CDH2: variants seen among roughly 807,000 people sequenced by gnomAD.
The protein encoded by CDH2 is cadherin 2.
CDH2 carries 17 observed loss-of-function variants against 92.0 expected under a neutral mutation model. The observed-to-expected ratio is 0.18, with a 90% CI of 0.13 to 0.28. The LOEUF is 0.28. CDH2 is among the 10% of genes least tolerant of loss of function. The pLI, the probability that CDH2 is intolerant of heterozygous loss-of-function variation, is 1.00. For missense variants in CDH2, 862 were observed against 1,133.1 expected, an observed-to-expected ratio of 0.76 and a Z score of 3.44; for synonymous variants, 419 against 415.9, an observed-to-expected ratio of 1.01 and a Z score of -0.09.
chr18:28,107,128 G>A (rs181166899), intron 2 of CDH2, among the ~76,000 whole-genome samples: 8 of 151,928 alleles, frequency 5.3e-5, no homozygotes, highest in Admixed American at 4.6e-4. Flanking sequence ...GGAAATTCTC[G>A]CACCATTTCA....
intron 14 of CDH2, among the ~76,000 whole-genome samples, chr18:27,969,158 C>T (rs191880532): frequency 2.6e-5 from 4 of 152,098 alleles, no homozygotes; most frequent in Admixed American, 2.0e-4. Flanking sequence ...TTATCACAGC[C>T]CCCCCACCAA....
intron 1 of CDH2, among the ~76,000 whole-genome samples, chr18:28,164,448 A>C (rs988925964): frequency 6.6e-6 from 1 of 152,200 alleles, no homozygotes; most frequent in African/African-American, 2.4e-5. Flanking sequence ...TGCTAAGTTA[A>C]AGGCAATACT....
intron 14 of CDH2, among the ~76,000 whole-genome samples, chr18:27,981,179 C>A (rs1371044086): frequency 6.6e-6 from 1 of 151,942 alleles, no homozygotes; most frequent in Admixed American, 6.6e-5. Flanking sequence ...TTTACTGAAG[C>A]CTAATTGAGC....
chr18:28,000,916 T>C (rs968485691), intron 7 of CDH2, among the ~76,000 whole-genome samples: 14 of 152,146 alleles, frequency 9.2e-5, no homozygotes, highest in African/African-American at 3.4e-4. Flanking sequence ...ATTTCAAGTC[T>C]GCACGAGGCC....
intron 14 of CDH2, among the ~76,000 whole-genome samples, chr18:27,969,170 A>G (rs1170409902): frequency 6.6e-6 from 1 of 152,210 alleles, no homozygotes; most frequent in African/African-American, 2.4e-5. Context: ...CCCCACCAAC[A>G]AAAAATTTGC....
At chr18:28,173,637 C>G (rs1304996517) in intron 1 of CDH2, among the ~76,000 whole-genome samples, 1 of 152,108 alleles carries the variant, frequency 6.6e-6, no homozygotes, top group Non-Finnish European at 1.5e-5. Flanking sequence ...AAACCAGGAT[C>G]TGTTAAGTCT....
At chr18:27,974,966 G>T (rs2011777209) in intron 14 of CDH2, among the ~76,000 whole-genome samples, 1 of 152,086 alleles carries the variant, frequency 6.6e-6, no homozygotes, top group Admixed American at 6.5e-5. Flanking sequence ...CTTTCTTTGT[G>T]ATTTCAGAAC....
At chr18:28,137,605 CA>C (rs1555645659) in intron 2 of CDH2, among the ~76,000 whole-genome samples, 1 of 144,470 alleles carries the variant, frequency 6.9e-6, no homozygotes, top group Non-Finnish European at 1.6e-5. Flanking sequence ...AAAACAAAAA[CA>C]AAAAACTGTG....
chr18:28,078,245 G>A (rs994112302), intron 2 of CDH2, among the ~76,000 whole-genome samples: 2 of 152,100 alleles, frequency 1.3e-5, no homozygotes, highest in African/African-American at 2.4e-5. Context: ...ATCCTCCAGC[G>A]CTGAGAGAAC....
intron 15 of CDH2, among the ~76,000 whole-genome samples, chr18:27,955,761 G>GTTATTTTTTTTTTTT (rs2011229906): frequency 9.0e-6 from 1 of 111,716 alleles, no homozygotes; most frequent in Non-Finnish European, 1.8e-5. Flanking sequence ...CTTTATTTCT[G>GTTATTTTTTTTTTTT]TTTTTTTTTT....
chr18:28,077,018 C>G (rs544623985), intron 2 of CDH2, among the ~76,000 whole-genome samples: 1 of 152,204 alleles, frequency 6.6e-6, no homozygotes, highest in South Asian at 2.1e-4. Flanking sequence ...CATTAGTCAT[C>G]ATCAACTATG....
At chr18:28,032,666 T>A (rs956200822) in intron 2 of CDH2, among the ~76,000 whole-genome samples, 1 of 152,082 alleles carries the variant, frequency 6.6e-6, no homozygotes, top group African/African-American at 2.4e-5. Context: ...TTTTAAAAAA[T>A]TTATTTGCTG....
intron 2 of CDH2, among the ~76,000 whole-genome samples, chr18:28,141,256 C>T (rs1282036445): frequency 1.3e-5 from 2 of 151,800 alleles, no homozygotes; most frequent in African/African-American, 2.4e-5. Flanking sequence ...TGCAAAAGAA[C>T]AGGGTAATAA....
chr18:28,118,891 T>C (rs888788589), intron 2 of CDH2, among the ~76,000 whole-genome samples: 1 of 152,134 alleles, frequency 6.6e-6, no homozygotes, highest in Non-Finnish European at 1.5e-5. Context: ...GCTAAAAGTA[T>C]ACTTTGTTAT....
chr18:28,177,011 T>C lies in CDH2; in HGVS notation c.12A>G (p.Ile4Met). 1 of 1,484,414 alleles carries C rather than the reference T, an allele frequency of 6.7e-7. No individual in the cohort carries two copies. The highest frequency in any genetic ancestry group is 8.9e-7 in the Non-Finnish European group (1 of 1,120,774). 92.0% of individuals were successfully genotyped at this position (1,484,414 alleles called of 1,614,324 possible). A position where few individuals can be genotyped will look rare whatever the true frequency, so the allele number is the denominator to read the frequency against. Residue 4 changes from isoleucine to methionine, a missense_variant, in exon 1 of 16, where the codon ATA becomes ATG. Physicochemically the swap from Ile to Met is conservative, Grantham distance 10. Around this residue, in one of 5 missense-constraint regions of CDH2, gnomAD observed 159 missense variants for 177.2 expected, o/e 0.90. Transcript: ENST00000269141. MCR[I>M]AGALRTLLPL... Reference sequence around the variant, plus strand: ...GCAGCAGGGTCCGCAGCGCTCCCGCTATCCGGCACATGGAGGCGGAGAGGG... The same window carrying C: ...GCAGCAGGGTCCGCAGCGCTCCCGCCATCCGGCACATGGAGGCGGAGAGGG...
intron 2 of CDH2, among the ~76,000 whole-genome samples, chr18:28,098,578 T>C (rs1254221923): frequency 2.6e-5 from 4 of 152,112 alleles, no homozygotes; most frequent in Non-Finnish European, 4.4e-5. Context: ...ACTTATTGAC[T>C]ACACGTATTT....
chr18:27,972,005 C>A (rs2011674086), intron 14 of CDH2, among the ~76,000 whole-genome samples: 1 of 152,142 alleles, frequency 6.6e-6, no homozygotes, highest in Non-Finnish European at 1.5e-5. Context: ...CCGAGACTGG[C>A]AGAAGTCCAC....
intron 2 of CDH2, among the ~76,000 whole-genome samples, chr18:28,032,260 G>A (rs1465040914): frequency 2.6e-5 from 4 of 152,014 alleles, no homozygotes; most frequent in Non-Finnish European, 5.9e-5. Flanking sequence ...GTTGAGCCAC[G>A]GTTCATTCAT....
chr18:27,995,262 C>T (rs17522381), intron 7 of CDH2, among the ~76,000 whole-genome samples: 1,627 of 137,228 alleles, frequency 0.012, 25 homozygotes, highest in African/African-American at 0.041. Flanking sequence ...TGCAGTGAGC[C>T]GAGATCGTGC....
Sources: gnomAD v4.1 joint callset for allele counts (sites outside exome capture counted in the v4.1 genomes callset) on GRCh38, gnomAD v4.1.1 for gene constraint, gnomAD v4.1.1 regional missense constraint, MANE v1.5 for transcripts, NCBI Gene and HGNC (gene_info 2026-07-23, HGNC 2026-07-21) for gene names.